Variants in GNG7 observed in about 807,000 individuals in gnomAD.
The protein encoded by GNG7 is G protein subunit gamma 7.
In GNG7, 1 loss-of-function variant was observed where a neutral mutation model predicts 4.0. The ratio of observed to expected loss-of-function variants is 0.25; its 90% CI spans 0.09 to 1.18. The LOEUF is 1.18. GNG7 is among the 50% of genes most tolerant of loss of function. GNG7 has a pLI of 0.50. For synonymous variants in GNG7, 34 were observed against 36.9 expected (o/e 0.92, Z 0.29); for missense variants, 86 against 91.9 (o/e 0.94, Z 0.26).
At chr19:2,531,231 G>A (rs1249851530) in intron 3 of GNG7, among the ~76,000 whole-genome samples, 1 of 148,798 alleles carries the variant, frequency 6.7e-6, no homozygotes, top group Non-Finnish European at 1.5e-5. Context: ...TTGAATCCGG[G>A]AGACGGTGGT....
intron 4 of GNG7, among the ~76,000 whole-genome samples, chr19:2,519,279 T>C (rs1192764847): frequency 6.7e-6 from 1 of 149,298 alleles, no homozygotes; most frequent in Non-Finnish European, 1.5e-5. Flanking sequence ...GCCTCCCAAA[T>C]AGCTGGGATT....
At chr19:2,576,107 A>ACAT (rs1980330405) in intron 2 of GNG7, among the ~76,000 whole-genome samples, 1 of 151,712 alleles carries the variant, frequency 6.6e-6, no homozygotes, top group Admixed American at 6.6e-5. Flanking sequence ...ACACAGAACC[A>ACAT]GACACACAGA....
intron 1 of GNG7, among the ~76,000 whole-genome samples, chr19:2,685,918 G>A (rs1446912864): frequency 1.3e-5 from 2 of 152,166 alleles, no homozygotes; most frequent in African/African-American, 4.8e-5. Flanking sequence ...CCCGCGAGAG[G>A]AGGCCTGAGC....
rs1972674706 is a variant in GNG7, at chr19:2,512,842, T to C, written c.*2180A>G. The C allele has an allele frequency of 1.1e-6, 1 of 948,604 alleles. No homozygotes were observed. Among genetic ancestry groups the C allele is most frequent in the Non-Finnish European group, 1.3e-6 (1 of 796,320 alleles). The allele number at this position is 948,604 out of a possible 1,614,324, so 58.8% of individuals were successfully genotyped here. A position where few individuals can be genotyped will look rare whatever the true frequency, so the allele number is the denominator to read the frequency against. On this transcript the variant is annotated 3_prime_UTR_variant, in exon 5 of 5. Coordinates refer to ENST00000382159, the MANE Select transcript of GNG7 (RefSeq NM_052847.3). The surrounding 1 kb of genome is among the most constrained non-coding windows in gnomAD (Gnocchi z 4.7). ...GGCGGGCTCTCCCTGCCTGGGGTCC[T>C]CCCAGGGTCTCTGGAACAGGCTTTT...
Position 2,594,456 on chromosome 19 carries a change from A to G in GNG7, c.-77-39268T>C, listed in dbSNP as rs563737361. Among the ~76,000 whole-genome samples the G allele has an allele frequency of 5.3e-5, 8 of 152,106 alleles. No individual in the cohort carries two copies. The South Asian group carries it at 1.2e-3, about 24-fold the overall frequency. ...GAAGGAAGGAAGGAAGGAGGAAGAA[A>G]GAAACTGCAAATTTAAAAAATTACA... On this transcript the variant is annotated intron_variant, in intron 2 of 4. Transcript: ENST00000382159.
At chr19:2,545,910 G>C (rs577925437) in intron 3 of GNG7, among the ~76,000 whole-genome samples, 2 of 152,194 alleles carry the variant, frequency 1.3e-5, no homozygotes, top group African/African-American at 4.8e-5. Flanking sequence ...AGCCAAAATC[G>C]CGCCACTGCA....
intron 3 of GNG7, among the ~76,000 whole-genome samples, chr19:2,542,453 T>A (rs1978994100): frequency 6.6e-6 from 1 of 152,046 alleles, no homozygotes; most frequent in African/African-American, 2.4e-5. Context: ...GAATGTTTAT[T>A]ACTGACAGCC....
At chr19:2,598,723 A>AATG (rs1441294782) in intron 2 of GNG7, among the ~76,000 whole-genome samples, 12 of 140,128 alleles carry the variant, frequency 8.6e-5, no homozygotes, top group African/African-American at 2.9e-4. Flanking sequence ...TAATAATAAT[A>AATG]ATGCTACTTG....
chr19:2,691,740 G>T lies in GNG7; in HGVS notation c.-135+10906C>A, dbSNP rs143988852. On this transcript the variant is annotated intron_variant, in intron 1 of 4. Transcript: ENST00000382159. The stretch of plus-strand genomic sequence containing the variant: ...AAATTAGCTGGGCGTGGTGGCACAC[G>T]CCTGTAATCCCAGCTACTCGGGAGG... Among the ~76,000 whole-genome samples, 1,339 of 151,656 alleles carry T rather than the reference G, an allele frequency of 8.8e-3. 17 individuals are homozygous for T. The highest frequency in any genetic ancestry group is 0.031 in the African/African-American group (1,278 of 41,336).
chr19:2,551,075 C>A (rs374990081), intron 3 of GNG7, among the ~76,000 whole-genome samples: 1 of 152,218 alleles, frequency 6.6e-6, no homozygotes, highest in East Asian at 1.9e-4. Context: ...CTTGAGCTTG[C>A]GGCCTGGAGA....
At position 2,587,098 on chromosome 19, in the gene GNG7, C is replaced by T. The variant is rs183789567; in HGVS notation, c.-77-31910G>A. On this transcript the variant is annotated intron_variant, in intron 2 of 4. Coordinates refer to ENST00000382159, the MANE Select transcript of GNG7 (RefSeq NM_052847.3). ...CATCCGGCTAATTTTTGGCCCCAGA[C>T]GTCACCCGATGTCCCCCAGGGGCTA... Among the ~76,000 whole-genome samples the T allele has an allele frequency of 6.6e-5, 10 of 151,966 alleles. No homozygotes were observed. In the East Asian group the frequency reaches 1.7e-3, roughly 26 times the overall value.
intron 2 of GNG7, among the ~76,000 whole-genome samples, chr19:2,584,427 G>A (rs1980584928): frequency 6.6e-6 from 1 of 151,514 alleles, no homozygotes; most frequent in Non-Finnish European, 1.5e-5. Flanking sequence ...CTAGGTGACA[G>A]GCAAGACCTT....
At chr19:2,701,401 T>C in intron 1 of GNG7, 2 of 136,900 alleles carry the variant, frequency 1.5e-5, no homozygotes, top group Admixed American at 7.5e-5. Flanking sequence ...TCTCACTAAC[T>C]CACCCCAACT....
At chr19:2,693,228 G>C (rs1034482412) in intron 1 of GNG7, among the ~76,000 whole-genome samples, 2 of 151,534 alleles carry the variant, frequency 1.3e-5, no homozygotes, top group Non-Finnish European at 2.9e-5. Flanking sequence ...GACCAGTCTA[G>C]GCAACATAGC....
chr19:2,543,510 C>T (rs760961108), intron 3 of GNG7, among the ~76,000 whole-genome samples: 2 of 152,196 alleles, frequency 1.3e-5, no homozygotes, highest in Admixed American at 6.5e-5. Flanking sequence ...CGGGCATGAA[C>T]CCCCGCTCCC....
At chr19:2,645,527 C>T (rs899422369) in intron 2 of GNG7, among the ~76,000 whole-genome samples, 3 of 151,760 alleles carry the variant, frequency 2.0e-5, no homozygotes, top group African/African-American at 7.3e-5. Context: ...GCATGAGCCA[C>T]CATGCCTGGC....
chr19:2,525,971 A>AATTTTTTTTTTTTTTTTTT, intron 3 of GNG7, among the ~76,000 whole-genome samples: 1 of 75,678 alleles, frequency 1.3e-5, no homozygotes, highest in South Asian at 5.2e-4. Flanking sequence ...CTCCACGCCA[A>AATTTTTTTTTTTTTTTTTT]TTTTTTTTTT....
chr19:2,639,696 G>A (rs1259934201), intron 2 of GNG7, among the ~76,000 whole-genome samples: 1 of 13,418 alleles, frequency 7.5e-5, no homozygotes. Flanking sequence ...GAGGGAGGCA[G>A]GGAGTGGGGG....
intron 2 of GNG7, among the ~76,000 whole-genome samples, chr19:2,638,183 T>C: frequency 6.6e-6 from 1 of 150,972 alleles, no homozygotes; most frequent in Non-Finnish European, 1.5e-5. Context: ...GCTAACATGG[T>C]GAAACCCTGT....
Sources: gnomAD v4.1 joint callset for allele counts (sites outside exome capture counted in the v4.1 genomes callset) on GRCh38, gnomAD v4.1.1 for gene constraint, Gnocchi (gnomAD v3.1) non-coding constraint, MANE v1.5 for transcripts, NCBI Gene and HGNC (gene_info 2026-07-23, HGNC 2026-07-21) for gene names.